The following KCNQ2 variants were observed in gnomAD, a reference collection of about 807,000 sequenced individuals.
KCNQ2 encodes the protein potassium voltage-gated channel subfamily KQT member 2.
A neutral mutation model predicts 84.8 loss-of-function variants in KCNQ2; 14 were observed. That is an observed-to-expected ratio of 0.17 (90% CI 0.11 to 0.26). The LOEUF is 0.26. Among genes scored for constraint, KCNQ2 ranks in the 10% least tolerant of loss-of-function variants. KCNQ2 has a pLI of 1.00. For synonymous variants in KCNQ2, 599 were observed against 554.1 expected, an observed-to-expected ratio of 1.08 and a Z score of -1.14; for missense variants, 788 against 1,254.0, an observed-to-expected ratio of 0.63 and a Z score of 5.61.
intron 1 of KCNQ2, among the ~76,000 whole-genome samples, chr20:63,463,029 T>C (rs2081993965): frequency 1.3e-5 from 2 of 151,124 alleles, no homozygotes; most frequent in African/African-American, 4.9e-5. Context: ...ATTTTATATA[T>C]TTCAGGGTTT....
chr20:63,420,972 T>C (rs1339390592), intron 11 of KCNQ2, among the ~76,000 whole-genome samples: 1 of 152,124 alleles, frequency 6.6e-6, no homozygotes, highest in African/African-American at 2.4e-5. Flanking sequence ...TCTCTCCCGC[T>C]GTGACCACCC....
chr20:63,414,059 C>G lies in KCNQ2; in HGVS notation c.1631+29G>C. 6.4e-7 allele frequency: 1 copy of G among 1,563,202 alleles called. No homozygotes were observed. The highest frequency in any genetic ancestry group is 8.8e-7 in the Non-Finnish European group (1 of 1,134,572). ...GAGCGGGAGGCCCCTCCTCACTCCC[C>G]CAGGCTCCCGGCTGGGCAGGGGCCT... On this transcript the variant is annotated intron_variant, in intron 14 of 16. Transcript: ENST00000359125. This position sits in a 1 kb window ranked among gnomAD's most constrained non-coding sequence, Gnocchi z 6.6.
intron 5 of KCNQ2, among the ~76,000 whole-genome samples, chr20:63,439,984 C>T (rs1402419081): frequency 6.6e-6 from 1 of 152,264 alleles, no homozygotes; most frequent in African/African-American, 2.4e-5. Context: ...GACGTGACTC[C>T]CACGAGGCTC....
rs771084504 is a variant in KCNQ2, at chr20:63,472,347, C to T, written c.117G>A (p.Ala39=). The T allele has an allele frequency of 2.4e-5, 37 of 1,535,514 alleles. No homozygotes were observed. The highest frequency in any genetic ancestry group is 3.2e-5 in the Non-Finnish European group (36 of 1,142,186). Residue 39 remains alanine, a synonymous_variant, in exon 1 of 17, where the codon GCG becomes GCA. Coordinates refer to ENST00000359125, the MANE Select transcript of KCNQ2 (RefSeq NM_172107.4). ...GGGCCTCGGAGCCGGCGATCAGCAG[C>T]GCCCCGTCCCGGGTGGAGTCGGGCG... The part of the protein sequence containing the change: ...PGAPDSTRDG[A]LLIAGSEAPK...
chr20:63,426,127 TC>T (rs780108886), intron 10 of KCNQ2, among the ~76,000 whole-genome samples: 1 of 152,310 alleles, frequency 6.6e-6, no homozygotes, highest in Non-Finnish European at 1.5e-5. Context: ...GCCTGCAGAC[TC>T]CCGAAGTTCG....
chr20:63,417,801 A>G (rs894789113), intron 12 of KCNQ2, among the ~76,000 whole-genome samples: 25 of 152,128 alleles, frequency 1.6e-4, no homozygotes, highest in Non-Finnish European at 3.2e-4. Context: ...GCTGACCACG[A>G]CAAGGAGCCA....
chr20:63,466,355 G>T (rs2082082073), intron 1 of KCNQ2: 1 of 152,050 alleles, frequency 6.6e-6, no homozygotes, highest in African/African-American at 2.4e-5. Context: ...CGACGCTCGA[G>T]CCCGGGCCCC....
At chr20:63,445,197 C>T in intron 3 of KCNQ2, 41 bp downstream of exon 3, 12 of 1,613,652 alleles carry the variant, frequency 7.4e-6, no homozygotes, top group Non-Finnish European at 1.0e-5. Context: ...CCCTGGGTGC[C>T]TGGCCCTGAT....
intron 11 of KCNQ2, 173 bp downstream of exon 11, chr20:63,424,004 T>G: frequency 5.9e-6 from 4 of 673,972 alleles, no homozygotes; most frequent in Non-Finnish European, 2.7e-6. Flanking sequence ...GGAAGAGTGA[T>G]TTAAGGGCCC....
At position 63,438,444 on chromosome 20, in the gene KCNQ2, T is replaced by A; in HGVS notation, c.1023+181A>T. On this transcript the variant is annotated intron_variant, in intron 7 of 16. Coordinates refer to ENST00000359125, the MANE Select transcript of KCNQ2 (RefSeq NM_172107.4). This position sits in a 1 kb window ranked among gnomAD's most constrained non-coding sequence, Gnocchi z 5.1. ...GCCACCCCTGTGCAGCCTCAGGGGTTGGAGCCATTTCTCAACACACACACT... is the reference window on the plus strand; with the variant it reads ...GCCACCCCTGTGCAGCCTCAGGGGTAGGAGCCATTTCTCAACACACACACT... 1.5e-6 allele frequency: 1 copy of A among 662,134 alleles called. No homozygotes were observed. The highest frequency in any genetic ancestry group is 2.7e-6 in the Non-Finnish European group (1 of 366,492). The allele number at this position is 662,134 out of a possible 1,614,324, so 41.0% of individuals were successfully genotyped here. A position where few individuals can be genotyped will look rare whatever the true frequency, so the allele number is the denominator to read the frequency against.
chr20:63,423,863 C>T, intron 11 of KCNQ2: 1 of 490,678 alleles, frequency 2.0e-6, no homozygotes, highest in Non-Finnish European at 3.7e-6. Context: ...AACAGAGACC[C>T]CCTGCCTCCG....
At chr20:63,441,701 C>T (rs1600763498) in intron 5 of KCNQ2, among the ~76,000 whole-genome samples, 2 of 152,276 alleles carry the variant, frequency 1.3e-5, no homozygotes, top group Middle Eastern at 3.4e-3. Context: ...GCCTGGGCCC[C>T]GGGGCACGCT....
rs754114486 is a variant in KCNQ2, at chr20:63,433,801, G to T, written c.1118+8C>A. The T allele has an allele frequency of 6.2e-7, 1 of 1,613,834 alleles. No individual in the cohort carries two copies. The highest frequency in any genetic ancestry group is 1.1e-5 in the South Asian group (1 of 91,082). ...AGTTGCTTGGTGGCAGGTGCCCGGC[G>T]GCGGTACCTGTACATGGGCACGGTG... On this transcript the variant is annotated splice_region_variant and intron_variant, in intron 8 of 16. Coordinates refer to ENST00000359125, the MANE Select transcript of KCNQ2 (RefSeq NM_172107.4).
rs141663887 is a variant in KCNQ2, at chr20:63,440,264, G to C, written c.817-556C>G. ...AGTTTCTCTAGGGGTGGTGGGCAAG[G>C]GGGAGGTCAGGCCAGGTTGGACCTC... On this transcript the variant is annotated intron_variant, in intron 5 of 16. Transcript: ENST00000359125. 2.5e-3 allele frequency among the ~76,000 whole-genome samples: 385 copies of C among 152,228 alleles called. 1 individual carries two copies. Among genetic ancestry groups the C allele is most frequent in the Non-Finnish European group, 3.8e-3 (261 of 67,986 alleles).
intron 10 of KCNQ2, 25 bp downstream of exon 10, chr20:63,428,341 GC>G: frequency 6.5e-7 from 1 of 1,539,974 alleles, no homozygotes; most frequent in Non-Finnish European, 8.8e-7. Context: ...ACGCCCACCC[GC>G]CCCACCTGGA....
chr20:63,415,212 C>G (rs1487084243), intron 12 of KCNQ2, 86 bp from the exon 13 acceptor site: 2 of 1,250,302 alleles, frequency 1.6e-6, no homozygotes. Context: ...TGCTCATGGC[C>G]GACGCCGCCC....
intron 4 of KCNQ2, among the ~76,000 whole-genome samples, chr20:63,443,403 C>CCAT (rs1568937727): frequency 4.9e-4 from 7 of 14,312 alleles, no homozygotes; most frequent in African/African-American, 1.8e-3. Flanking sequence ...ATCACCATCA[C>CCAT]CACCATCACC....
At chr20:63,421,180 C>T (rs1162887745) in intron 11 of KCNQ2, among the ~76,000 whole-genome samples, 1 of 152,230 alleles carries the variant, frequency 6.6e-6, no homozygotes, top group Non-Finnish European at 1.5e-5. Flanking sequence ...GCATGATCGC[C>T]TTGACCAAGA....
intron 12 of KCNQ2, among the ~76,000 whole-genome samples, chr20:63,418,973 G>C (rs1028047569): frequency 4.6e-5 from 7 of 152,250 alleles, no homozygotes; most frequent in Admixed American, 3.9e-4. Context: ...TGCTGGCCAG[G>C]AGGGAGGGGC....
Sources: gnomAD v4.1 joint callset for allele counts (sites outside exome capture counted in the v4.1 genomes callset) on GRCh38, gnomAD v4.1.1 for gene constraint, Gnocchi (gnomAD v3.1) non-coding constraint, MANE v1.5 for transcripts, NCBI Gene and HGNC (gene_info 2026-07-23, HGNC 2026-07-21) for gene names.